The following HMGB1 variants were observed in gnomAD, a reference collection of about 807,000 sequenced individuals.
HMGB1 encodes the protein high mobility group box 1.
For synonymous variants in HMGB1, 81 were observed against 84.0 expected (o/e 0.96, Z 0.19); for missense variants, 79 against 253.5 (o/e 0.31, Z 4.67).
chr13:30,505,354 A>AT (rs1046147654), intron 1 of HMGB1, among the ~76,000 whole-genome samples: 24 of 151,874 alleles, frequency 1.6e-4, no homozygotes, highest in African/African-American at 2.7e-4. Context: ...AATTTTTTGT[A>AT]TTTTTAGTAG....
chr13:30,545,574 C>A (rs183820995), intron 1 of HMGB1, among the ~76,000 whole-genome samples: 1 of 152,114 alleles, frequency 6.6e-6, no homozygotes, highest in Non-Finnish European at 1.5e-5. Context: ...GCCCAGTATT[C>A]CTGAGTCTAG....
chr13:30,504,211 G>A (rs1887800826), intron 1 of HMGB1, among the ~76,000 whole-genome samples: 1 of 152,140 alleles, frequency 6.6e-6, no homozygotes, highest in Admixed American at 6.5e-5. Flanking sequence ...TAGAAGGCTG[G>A]ATGTGAATTA....
At chr13:30,568,959 T>C (rs532197886) in intron 1 of HMGB1, among the ~76,000 whole-genome samples, 1 of 152,120 alleles carries the variant, frequency 6.6e-6, no homozygotes, top group Non-Finnish European at 1.5e-5. Context: ...GGGAGATCAC[T>C]TGAGGTCAGG....
intron 1 of HMGB1, among the ~76,000 whole-genome samples, chr13:30,527,556 A>G (rs1028143357): frequency 6.6e-6 from 1 of 152,044 alleles, no homozygotes; most frequent in Non-Finnish European, 1.5e-5. Context: ...TCACTTCCTC[A>G]GGGTCAGCAT....
At chr13:30,502,816 C>T (rs1887764549) in intron 1 of HMGB1, among the ~76,000 whole-genome samples, 1 of 152,008 alleles carries the variant, frequency 6.6e-6, no homozygotes, top group Admixed American at 6.6e-5. Flanking sequence ...GCTGGGATTA[C>T]AGGTGCCTGC....
rs1341585826 is a variant in HMGB1 at position 30,524,362 on chromosome 13, A to AAG, written c.-14-60669_-14-60668insCT. On this transcript the variant is annotated intron_variant, in intron 1 of 4. Coordinates refer to the HMGB1 transcript ENST00000405805. Reference sequence around the variant, plus strand: ...TAAAAAAAAAAAAAAAAAAAAGAAAAAAAAGAAGAACTGCCTGAGACTGGG... The same window carrying AAG: ...TAAAAAAAAAAAAAAAAAAAAGAAAAAGAAAAGAAGAACTGCCTGAGACTGGG... Among the ~76,000 whole-genome samples the AAG allele has an allele frequency of 9.6e-4, 140 of 145,570 alleles. 1 individual carries two copies. The highest frequency in any genetic ancestry group is 6.9e-3 in the Middle Eastern group (2 of 290).
In HMGB1 at chr13:30,465,826, C is replaced by G; in HGVS notation, c.-45G>C. On this transcript the variant is annotated 5_prime_UTR_variant, in exon 1 of 5. Coordinates refer to ENST00000341423, the MANE Select transcript of HMGB1 (RefSeq NM_002128.7). ...GCGAGGCACAGAGTCGCCCAGTGCC[C>G]GTCCGGCTCTCACTTGCCCCGGTGC... 1.0e-6 allele frequency: 1 copy of G among 985,648 alleles called. No homozygotes were observed. The highest frequency in any genetic ancestry group is 1.2e-6 in the Non-Finnish European group (1 of 829,752). The allele number at this position is 985,648 out of a possible 1,614,324, so 61.1% of individuals were successfully genotyped here. A position where few individuals can be genotyped will look rare whatever the true frequency, so the allele number is the denominator to read the frequency against.
chr13:30,603,402 C>T (rs1322963929), intron 1 of HMGB1, among the ~76,000 whole-genome samples: 1 of 152,190 alleles, frequency 6.6e-6, no homozygotes, highest in East Asian at 1.9e-4. Context: ...CTTCTCTTTA[C>T]TATTAATACC....
At chr13:30,490,648 C>T (rs564466242) in intron 1 of HMGB1, among the ~76,000 whole-genome samples, 89 of 149,648 alleles carry the variant, frequency 5.9e-4, no homozygotes, top group African/African-American at 2.0e-3. Flanking sequence ...ATTAGGAATT[C>T]GGCGAATAAA....
At chr13:30,466,163 A>G (rs1477476320), upstream of HMGB1, among the ~76,000 whole-genome samples, 1 of 152,198 alleles carries the variant, frequency 6.6e-6, no homozygotes, top group African/African-American at 2.4e-5. Flanking sequence ...ACGGGAAAGC[A>G]GAGCTCTATG....
intron 1 of HMGB1, among the ~76,000 whole-genome samples, chr13:30,551,727 A>T (rs1869437116): frequency 6.6e-6 from 1 of 152,128 alleles, no homozygotes; most frequent in Admixed American, 6.6e-5. Context: ...TTTCTTAGAG[A>T]CAGGGTCTTG....
chr13:30,468,415 C>T (rs572629966), upstream of HMGB1, among the ~76,000 whole-genome samples: 12 of 152,070 alleles, frequency 7.9e-5, no homozygotes, highest in East Asian at 1.9e-4. Flanking sequence ...CCACCATGCC[C>T]GGCTAATTTT....
At chr13:30,528,017 A>T (rs1888409558) in intron 1 of HMGB1, among the ~76,000 whole-genome samples, 1 of 152,182 alleles carries the variant, frequency 6.6e-6, no homozygotes, top group Non-Finnish European at 1.5e-5. Flanking sequence ...CTGTCAGTGG[A>T]TTTATGCACT....
intron 1 of HMGB1, chr13:30,465,164 G>A (rs1886685412): frequency 6.2e-6 from 6 of 961,212 alleles, no homozygotes; most frequent in South Asian, 4.7e-5. Flanking sequence ...GTTCCAGCGA[G>A]CGCAGCGGCG....
chr13:30,505,890 T>C (rs1392971767), intron 1 of HMGB1, among the ~76,000 whole-genome samples: 4 of 151,930 alleles, frequency 2.6e-5, no homozygotes, highest in Non-Finnish European at 4.4e-5. Flanking sequence ...AGTTTTTTTG[T>C]TTTTTTGTAT....
At chr13:30,499,069 T>C (rs7321423) in intron 1 of HMGB1, among the ~76,000 whole-genome samples, 147,100 of 151,966 alleles carry the variant, frequency 0.97, 71,400 homozygotes, top group East Asian at 1. Flanking sequence ...TTTCCTGCCT[T>C]AGTCTCCTAA....
Position 30,486,657 on chromosome 13 carries a change from T to C in HMGB1, c.-14-22963A>G, listed in dbSNP as rs530801311. On this transcript the variant is annotated intron_variant, in intron 1 of 4. Transcript: ENST00000405805. ...GCCACTCTTGCTGGAGGCTGCCTGCTGCTAGAAGGAGCTGGATGGTTCTTC... is the reference window on the plus strand; with the variant it reads ...GCCACTCTTGCTGGAGGCTGCCTGCCGCTAGAAGGAGCTGGATGGTTCTTC... Among the ~76,000 whole-genome samples, 4 of 152,330 alleles carry C rather than the reference T, an allele frequency of 2.6e-5. No individual in the cohort carries two copies. In the South Asian group the frequency reaches 8.3e-4, roughly 32 times the overall value.
intron 1 of HMGB1, among the ~76,000 whole-genome samples, chr13:30,561,220 G>A (rs893591504): frequency 2.0e-5 from 3 of 152,198 alleles, no homozygotes; most frequent in Non-Finnish European, 4.4e-5. Context: ...AGTATTTTCA[G>A]AAAGGAGGGA....
chr13:30,478,102 G>A (rs986523425), intron 1 of HMGB1, among the ~76,000 whole-genome samples: 2 of 152,226 alleles, frequency 1.3e-5, no homozygotes, highest in African/African-American at 4.8e-5. Flanking sequence ...TGATAGTCAT[G>A]TTCAGAAATG....
Sources: allele counts gnomAD v4.1 joint callset (sites outside exome capture counted in the v4.1 genomes callset), GRCh38; gene constraint gnomAD v4.1.1; transcripts MANE v1.5; gene names NCBI Gene and HGNC (gene_info 2026-07-23, HGNC 2026-07-21).